ANKS1B: variants seen among roughly 807,000 people sequenced by gnomAD.
The protein encoded by ANKS1B is ankyrin repeat and sterile alpha motif domain containing 1B.
Under a neutral mutation model 148.3 loss-of-function variants are expected in ANKS1B, and 36 were observed. That is an observed-to-expected ratio of 0.24 (90% CI 0.19 to 0.32). The LOEUF (loss-of-function observed/expected upper bound fraction) is 0.32. Ranked by LOEUF, ANKS1B falls within the 10% of genes least tolerant of loss-of-function variation. The pLI is 1.00. For missense variants in ANKS1B, 1,157 were observed against 1,542.6 expected (o/e 0.75, Z 4.19); for synonymous variants, 542 against 560.8 (o/e 0.97, Z 0.47).
rs375504149 is a variant in ANKS1B, at chr12:99,286,106, C to G, written c.1757-39242G>C. ...AGGGAATGTTTGTGCCACCCCTCAG[C>G]CAACTCCAGGCAGCACAGCTTGCAG... On this transcript the variant is annotated intron_variant, in intron 12 of 26. Transcript: ENST00000683438. Among the ~76,000 whole-genome samples the G allele has an allele frequency of 8.3e-4, 126 of 151,772 alleles. 4 individuals carry two copies. The South Asian group carries it at 0.021, about 26-fold the overall frequency.
At chr12:99,207,868 A>G (rs1213343389) in intron 14 of ANKS1B, among the ~76,000 whole-genome samples, 1 of 152,090 alleles carries the variant, frequency 6.6e-6, no homozygotes, top group South Asian at 2.1e-4. Context: ...CTGAATGAAT[A>G]AGAAATTTGT....
At position 99,349,332 on chromosome 12, in the gene ANKS1B, G is replaced by A. The variant is rs78393649; in HGVS notation, c.1756+50299C>T. ...GAAAACAAATAGCAAAATGGCATAA[G>A]TAAGTTCTTTGTTAGTAGCTACTTT... On this transcript the variant is annotated intron_variant, in intron 12 of 26. Coordinates refer to ENST00000683438, the MANE Select transcript of ANKS1B (RefSeq NM_001352186.2). 2.8e-3 allele frequency among the ~76,000 whole-genome samples: 432 copies of A among 152,046 alleles called. 6 individuals carry two copies. The highest frequency in any genetic ancestry group is 9.4e-3 in the African/African-American group (390 of 41,546).
intron 19 of ANKS1B, among the ~76,000 whole-genome samples, chr12:98,825,328 C>T (rs1017490424): frequency 1.3e-5 from 2 of 152,084 alleles, no homozygotes; most frequent in Non-Finnish European, 1.5e-5. Flanking sequence ...AAGTAATTGA[C>T]CTAGTTGTAC....
rs532433392 is a variant in ANKS1B at position 99,408,656 on chromosome 12, A to G, written c.1576-8845T>C. Among the ~76,000 whole-genome samples, 14 of 146,458 alleles carry G rather than the reference A, an allele frequency of 9.6e-5. No individual in the cohort carries two copies. The South Asian group carries it at 1.9e-3, about 20-fold the overall frequency. Reference sequence around the variant, plus strand: ...GAGATCAAAAAACTGAAAAGGAAAAAAAATCTAAGAATCTGATTTAAAATG... The same window carrying G: ...GAGATCAAAAAACTGAAAAGGAAAAGAAATCTAAGAATCTGATTTAAAATG... On this transcript the variant is annotated intron_variant, in intron 11 of 26. Transcript: ENST00000683438.
chr12:99,466,835 T>C (rs2096126263), intron 10 of ANKS1B, among the ~76,000 whole-genome samples: 1 of 151,728 alleles, frequency 6.6e-6, no homozygotes, highest in Non-Finnish European at 1.5e-5. Flanking sequence ...ACCAGATGGA[T>C]TCACAGTCGA....
chr12:99,100,796 C>G (rs1314204023), intron 15 of ANKS1B, among the ~76,000 whole-genome samples: 1 of 152,220 alleles, frequency 6.6e-6, no homozygotes, highest in Non-Finnish European at 1.5e-5. Context: ...TCCTAAAGTG[C>G]TGGGATTACA....
At chr12:99,271,972 A>C (rs768311438) in intron 12 of ANKS1B, among the ~76,000 whole-genome samples, 26 of 152,066 alleles carry the variant, frequency 1.7e-4, no homozygotes, top group Non-Finnish European at 2.9e-4. Context: ...CATGTCAGTG[A>C]AACTTTCAGA....
At chr12:99,563,740 T>G (rs2097361131) in intron 9 of ANKS1B, among the ~76,000 whole-genome samples, 1 of 152,160 alleles carries the variant, frequency 6.6e-6, no homozygotes, top group Non-Finnish European at 1.5e-5. Flanking sequence ...AAACCTTCAA[T>G]TTGTAAAAAG....
At chr12:98,838,765 T>G (rs2099389461) in intron 17 of ANKS1B, among the ~76,000 whole-genome samples, 1 of 152,216 alleles carries the variant, frequency 6.6e-6, no homozygotes, top group South Asian at 2.1e-4. Context: ...GAGTAGCCTC[T>G]TCTAATAAAA....
chr12:98,815,382 C>A (rs2099131137), intron 19 of ANKS1B, among the ~76,000 whole-genome samples: 1 of 152,194 alleles, frequency 6.6e-6, no homozygotes, highest in South Asian at 2.1e-4. Flanking sequence ...CTCCTCCATT[C>A]CTTAGCCTCT....
At chr12:99,544,535 T>G (rs1453530404) in intron 9 of ANKS1B, among the ~76,000 whole-genome samples, 1 of 152,194 alleles carries the variant, frequency 6.6e-6, no homozygotes, top group Non-Finnish European at 1.5e-5. Context: ...AAAGATCTAA[T>G]ACCACTTCCA....
In ANKS1B at chr12:98,902,334, C is replaced by T. The variant is rs530320573; in HGVS notation, c.2779-70198G>A. 1.6e-4 allele frequency among the ~76,000 whole-genome samples: 24 copies of T among 152,296 alleles called. No homozygotes were observed. In the South Asian group the frequency reaches 5.0e-3, roughly 32 times the overall value. The stretch of plus-strand genomic sequence containing the variant: ...TGGTAAGTACCTCATCCTTCCCACA[C>T]CTTTAAGCAACAGAACAGCCACAGT... On this transcript the variant is annotated intron_variant, in intron 17 of 26. Transcript: ENST00000683438.
At chr12:99,567,465 C>A (rs1049146242) in intron 9 of ANKS1B, among the ~76,000 whole-genome samples, 2 of 152,124 alleles carry the variant, frequency 1.3e-5, no homozygotes, top group African/African-American at 4.8e-5. Context: ...CACACACATA[C>A]AAACACATAC....
At chr12:99,874,681 T>C (rs1252749990) in intron 1 of ANKS1B, among the ~76,000 whole-genome samples, 3 of 152,184 alleles carry the variant, frequency 2.0e-5, no homozygotes, top group Non-Finnish European at 4.4e-5. Flanking sequence ...TCAGGGAGTA[T>C]TAGATATGCA....
chr12:99,121,788 C>G (rs1600458524), intron 15 of ANKS1B, among the ~76,000 whole-genome samples: 1 of 152,266 alleles, frequency 6.6e-6, no homozygotes, highest in East Asian at 1.9e-4. Context: ...GGCAAATGAA[C>G]TGAATTTAAC....
chr12:99,711,872 T>G (rs1224960648), intron 8 of ANKS1B, among the ~76,000 whole-genome samples: 1 of 152,198 alleles, frequency 6.6e-6, no homozygotes, highest in African/African-American at 2.4e-5. Context: ...ATATAAATCA[T>G]TCTGTCATAA....
At chr12:99,251,913 C>A (rs1218452145) in intron 12 of ANKS1B, among the ~76,000 whole-genome samples, 1 of 152,042 alleles carries the variant, frequency 6.6e-6, no homozygotes, top group Non-Finnish European at 1.5e-5. Context: ...TATCAGGTGG[C>A]AAAGTTTCAG....
chr12:99,473,170 C>T (rs1021640019), intron 10 of ANKS1B, among the ~76,000 whole-genome samples: 3 of 151,908 alleles, frequency 2.0e-5, no homozygotes, highest in Admixed American at 6.6e-5. Flanking sequence ...AGTCATTAGA[C>T]ATATTAATTA....
intron 10 of ANKS1B, among the ~76,000 whole-genome samples, chr12:99,481,984 A>G (rs1383391486): frequency 6.6e-6 from 1 of 151,592 alleles, no homozygotes; most frequent in East Asian, 1.9e-4. Context: ...CTGTGGGTTG[A>G]CTGTTTACTC....
Sources: allele counts gnomAD v4.1 joint callset (sites outside exome capture counted in the v4.1 genomes callset), GRCh38; gene constraint gnomAD v4.1.1; transcripts MANE v1.5; gene names NCBI Gene and HGNC (gene_info 2026-07-23, HGNC 2026-07-21).